Variants in CNGA4 observed in about 807,000 individuals in gnomAD.
CNGA4 encodes cyclic nucleotide gated channel subunit alpha 4.
CNGA4 carries 32 observed loss-of-function variants against 45.6 expected under a neutral mutation model. That is an observed-to-expected ratio of 0.70 (90% confidence interval 0.53 to 0.94). The LOEUF (loss-of-function observed/expected upper bound fraction) is 0.94. Ranked by LOEUF, CNGA4 falls within the 40% of genes least tolerant of loss-of-function variation. CNGA4 has a pLI of 0.00. For synonymous variants in CNGA4, 293 were observed against 304.6 expected, an observed-to-expected ratio of 0.96 and a Z score of 0.40; for missense variants, 726 against 755.1, an observed-to-expected ratio of 0.96 and a Z score of 0.45.
upstream of CNGA4, chr11:6,239,013 A>G (rs1847871217): frequency 7.0e-7 from 1 of 1,436,932 alleles, no homozygotes; most frequent in African/African-American, 1.4e-5. Context: ...AGAGTGCTAG[A>G]GCTAGACTGT....
At position 6,240,644 on chromosome 11, in the gene CNGA4, G is replaced by A. The variant is rs754533455; in HGVS notation, c.850G>A (p.Ala284Thr). ...AGATGCGGCTTTCTACCCAGATCAT[G>A]CACTGGTGAAGAAGTACATGAAGCT... ...TADAAFYPDH[A>T]LVKKYMKLQH... Residue 284 changes from alanine to threonine, a missense_variant, in exon 4 of 6, where the codon GCA becomes ACA. By Grantham distance (58) the Ala-to-Thr change is moderately conservative. Coordinates refer to ENST00000379936, the MANE Select transcript of CNGA4 (RefSeq NM_001037329.4). The surrounding 1 kb of genome is among the most constrained non-coding windows in gnomAD (Gnocchi z 4.9). 1.2e-6 allele frequency: 2 copies of A among 1,614,210 alleles called. No homozygotes were observed. Among genetic ancestry groups the A allele is most frequent in the South Asian group, 2.2e-5 (2 of 91,086 alleles).
Position 6,239,186 on chromosome 11 carries a change from C to G in CNGA4, c.-21C>G. On this transcript the variant is annotated 5_prime_UTR_variant, in exon 1 of 6. Coordinates refer to ENST00000379936, the MANE Select transcript of CNGA4 (RefSeq NM_001037329.4). ...AGAGAGGGTGTGGACATCTCACACCCCAGCACCAGACCACAGAACCATGAG... is the reference window on the plus strand; with the variant it reads ...AGAGAGGGTGTGGACATCTCACACCGCAGCACCAGACCACAGAACCATGAG... The G allele has an allele frequency of 6.2e-7, 1 of 1,612,888 alleles. No individual in the cohort carries two copies. Among genetic ancestry groups the G allele is most frequent in the South Asian group, 1.1e-5 (1 of 91,030 alleles).
In CNGA4 at chr11:6,240,116, C is replaced by T. The variant is rs1847890760; in HGVS notation, c.322C>T (p.Arg108Cys). Reference protein sequence around the residue: ...LVVDKGRISSRYVRTWSFFLD... With the variant: ...LVVDKGRISSCYVRTWSFFLD... Reference sequence around the variant, plus strand: ...GGTGGACAAGGGTAGGATCTCGAGTCGCTACGTTCGCACCTGGAGTTTCTT... The same window carrying T: ...GGTGGACAAGGGTAGGATCTCGAGTTGCTACGTTCGCACCTGGAGTTTCTT... Residue 108 changes from arginine to cysteine, a missense_variant, in exon 4 of 6, where the codon CGC (arginine) becomes TGC (cysteine). Coordinates refer to ENST00000379936, the MANE Select transcript of CNGA4 (RefSeq NM_001037329.4). This position sits in a 1 kb window ranked among gnomAD's most constrained non-coding sequence, Gnocchi z 4.9. 2.5e-6 allele frequency: 4 copies of T among 1,613,846 alleles called. No homozygotes were observed. Among genetic ancestry groups the T allele is most frequent in the African/African-American group, 1.3e-5 (1 of 75,064 alleles).
At position 6,239,615 on chromosome 11, in the gene CNGA4, G is replaced by A. The variant is rs971202902; in HGVS notation, c.165-69G>A. The A allele has an allele frequency of 4.5e-6, 7 of 1,571,554 alleles. No homozygotes were observed. In the African/African-American group the frequency reaches 9.5e-5, roughly 21 times the overall value. On this transcript the variant is annotated intron_variant, in intron 2 of 5. Transcript: ENST00000379936. ...GGGAGGGCCTGAGGCAGAGGGTTAA[G>A]GGCCCTGGGGAGACGCCTCGCACAC...
downstream of CNGA4, chr11:6,244,561 G>T: frequency 8.5e-5 from 43 of 503,268 alleles, no homozygotes; most frequent in Middle Eastern, 1.1e-3. This position sits in a 1 kb window ranked among gnomAD's most constrained non-coding sequence, Gnocchi z 4.5. Flanking sequence ...GGAGTTTAAC[G>T]CACATTCAGC....
upstream of CNGA4, among the ~76,000 whole-genome samples, chr11:6,235,237 A>G (rs1359679740): frequency 6.6e-6 from 1 of 152,162 alleles, no homozygotes. Context: ...ATTTTGCTCC[A>G]TCGTCGTGCA....
At chr11:6,241,861 A>T in intron 5 of CNGA4, 81 bp downstream of exon 5, 1 of 1,299,070 alleles carries the variant, frequency 7.7e-7, no homozygotes, top group Admixed American at 1.8e-5. Context: ...GGGACCAGAT[A>T]GTACTTCAGG....
chr11:6,240,698 C>T lies in CNGA4; in HGVS notation c.904C>T (p.Arg302Ter), dbSNP rs532111437. The T allele has an allele frequency of 2.6e-5, 42 of 1,612,654 alleles. 1 individual carries two copies. The South Asian group carries it at 3.3e-4, about 13-fold the overall frequency. The change falls in exon 4 of 6, where the codon CGA becomes TGA. Residue 302 changes from arginine (R) to a stop codon, truncating the protein, a stop_gained. Transcript: ENST00000379936. LOFTEE classifies it high-confidence loss of function. The surrounding 1 kb of genome is among the most constrained non-coding windows in gnomAD (Gnocchi z 4.9). ...GCACGTCAACCGCAAGCTGGAGCGG[C>T]GAGTTATTGACTGGTGAGAAGGCGG... Reference protein sequence around the residue: ...LQHVNRKLERRVIDWYQHLQI... With the variant: ...LQHVNRKLER
chr11:6,242,512 G>A (rs1214470219), intron 5 of CNGA4, among the ~76,000 whole-genome samples: 1 of 152,058 alleles, frequency 6.6e-6, no homozygotes, highest in Non-Finnish European at 1.5e-5. Context: ...GGACCGAGAA[G>A]CTGGATGTGC....
At chr11:6,244,627 CACAT>C (rs999107044), downstream of CNGA4, among the ~76,000 whole-genome samples, 2 of 136,768 alleles carry the variant, frequency 1.5e-5, no homozygotes, top group African/African-American at 5.6e-5. This position sits in a 1 kb window ranked among gnomAD's most constrained non-coding sequence, Gnocchi z 4.5. Flanking sequence ...CACACACACA[CACAT>C]TTGCTCATAG....
intron 4 of CNGA4, among the ~76,000 whole-genome samples, chr11:6,241,055 C>A (rs950452752): frequency 6.6e-6 from 1 of 152,132 alleles, no homozygotes; most frequent in African/African-American, 2.4e-5. Context: ...TGGTCAGCAA[C>A]AAGATCATTG....
chr11:6,242,291 C>A (rs930064972), intron 5 of CNGA4, among the ~76,000 whole-genome samples: 3 of 151,986 alleles, frequency 2.0e-5, no homozygotes, highest in African/African-American at 7.3e-5. Context: ...GAAAAAACAA[C>A]CTTTTTACAG....
chr11:6,239,477 C>A lies in CNGA4; in HGVS notation c.156C>A (p.Leu52=). 6.2e-7 allele frequency: 1 copy of A among 1,614,118 alleles called. No homozygotes were observed. Among genetic ancestry groups the A allele is most frequent in the South Asian group, 1.1e-5 (1 of 91,070 alleles). The stretch of plus-strand genomic sequence containing the variant: ...CAGTCATGTATAACCTCATCATCCT[C>A]GTGTGCAGGTATGGCAGCGGTGCTA... ...VFPVMYNLII[L]VCRACFPDLQ... The change falls in exon 2 of 6, where the codon CTC becomes CTA. Residue 52 remains leucine, a synonymous_variant. Coordinates refer to ENST00000379936, the MANE Select transcript of CNGA4 (RefSeq NM_001037329.4).
upstream of CNGA4, among the ~76,000 whole-genome samples, chr11:6,237,807 C>T (rs1484306686): frequency 6.6e-6 from 1 of 152,142 alleles, no homozygotes; most frequent in African/African-American, 2.4e-5. Flanking sequence ...ACTCCAAAAA[C>T]ACAAACCTGA....
At chr11:6,239,973 T>C (rs1847887691) in intron 3 of CNGA4, 93 bp from the exon 4 acceptor site, 2 of 1,491,738 alleles carry the variant, frequency 1.3e-6, no homozygotes, top group Admixed American at 2.0e-5. Context: ...CACTCTGTCC[T>C]TCAGACAGTC....
At chr11:6,239,959 G>A in intron 3 of CNGA4, 107 bp from the exon 4 acceptor site, 1 of 1,446,304 alleles carries the variant, frequency 6.9e-7, no homozygotes, top group East Asian at 2.3e-5. Flanking sequence ...GTTATGCCTG[G>A]CTCCACTCTG....
chr11:6,241,828 G>T, intron 5 of CNGA4, 48 bp downstream of exon 5: 1 of 1,559,698 alleles, frequency 6.4e-7, no homozygotes, highest in Non-Finnish European at 8.8e-7. Flanking sequence ...GTGGGGTAGG[G>T]GGGAACAGCA....
rs770277700 is a variant in CNGA4, at chr11:6,240,230, C to T, written c.436C>T (p.Arg146Cys). Residue 146 changes from arginine to cysteine, a missense_variant, in exon 4 of 6, where the codon CGC becomes TGC. Coordinates refer to ENST00000379936, the MANE Select transcript of CNGA4 (RefSeq NM_001037329.4). The surrounding 1 kb of genome is among the most constrained non-coding windows in gnomAD (Gnocchi z 4.9). ...CACCCTGAGGCTGAACCGCTTTCTCCGCGCGCCCCGCCTCTTCGAGGCCTT... is the reference window on the plus strand; with the variant it reads ...CACCCTGAGGCTGAACCGCTTTCTCTGCGCGCCCCGCCTCTTCGAGGCCTT... ...TPTLRLNRFL[R>C]APRLFEAFDR... 5.6e-6 allele frequency: 9 copies of T among 1,614,214 alleles called. No individual in the cohort carries two copies. The South Asian group carries it at 8.8e-5, about 16-fold the overall frequency.
intron 5 of CNGA4, chr11:6,241,994 G>C (rs1645420238): frequency 1.7e-6 from 1 of 585,018 alleles, no homozygotes; most frequent in Non-Finnish European, 3.0e-6. Context: ...GAACAGGGTG[G>C]GTTCGTGGAA....
Sources: allele counts gnomAD v4.1 joint callset (sites outside exome capture counted in the v4.1 genomes callset), GRCh38; gene constraint gnomAD v4.1.1; non-coding constraint Gnocchi (gnomAD v3.1); transcripts MANE v1.5; gene names NCBI Gene and HGNC (gene_info 2026-07-23, HGNC 2026-07-21).